Variants in NGEF observed in about 807,000 individuals in gnomAD.
NGEF encodes the protein neuronal guanine nucleotide exchange factor.
Under a neutral mutation model 80.9 loss-of-function variants are expected in NGEF, and 31 were observed. The ratio of observed to expected loss-of-function variants is 0.38; its 90% CI spans 0.29 to 0.52. The LOEUF is 0.52. Among genes scored for constraint, NGEF ranks in the 20% least tolerant of loss-of-function variants. The probability of loss-of-function intolerance (pLI) is 0.84; values close to 1 mark genes in which losing one functional copy is unlikely to be tolerated. For missense variants in NGEF, 709 were observed against 926.2 expected (o/e 0.77, Z 3.04); for synonymous variants, 371 against 370.2 (o/e 1.00, Z -0.03).
intron 3 of NGEF, among the ~76,000 whole-genome samples, chr2:232,954,802 G>A (rs895989066): frequency 1.3e-5 from 2 of 151,810 alleles, no homozygotes; most frequent in African/African-American, 4.8e-5. Context: ...GGCAGGTTGA[G>A]GAAGGCTTTG....
chr2:232,886,968 C>T (rs1691713648), intron 9 of NGEF, among the ~76,000 whole-genome samples: 1 of 152,252 alleles, frequency 6.6e-6, no homozygotes, highest in African/African-American at 2.4e-5. Flanking sequence ...GTGTAACTGC[C>T]AGAGGAATTT....
chr2:232,939,329 T>C (rs1228320397), intron 3 of NGEF, among the ~76,000 whole-genome samples: 1 of 152,116 alleles, frequency 6.6e-6, no homozygotes, highest in Non-Finnish European at 1.5e-5. Flanking sequence ...TTGTAAGCTA[T>C]AATAAATGAA....
intron 5 of NGEF, among the ~76,000 whole-genome samples, chr2:232,914,437 G>A (rs573553342): frequency 8.5e-5 from 13 of 152,296 alleles, no homozygotes; most frequent in African/African-American, 2.9e-4. Context: ...CAGGCATGGT[G>A]CCTCACACCT....
chr2:232,902,960 C>T (rs975713315), intron 5 of NGEF, among the ~76,000 whole-genome samples: 2 of 152,116 alleles, frequency 1.3e-5, no homozygotes, highest in Non-Finnish European at 2.9e-5. Context: ...CGCCACTGCA[C>T]TCCAGCATAA....
chr2:232,965,497 G>A (rs150812863), intron 3 of NGEF, among the ~76,000 whole-genome samples: 2 of 152,292 alleles, frequency 1.3e-5, no homozygotes, highest in African/African-American at 2.4e-5. Context: ...GAATGCTATG[G>A]AGCAAGAGAA....
Position 233,013,170 on chromosome 2 carries a change from C to T in NGEF, c.-177G>A, listed in dbSNP as rs1695250880. On this transcript the variant is annotated 5_prime_UTR_variant, in exon 1 of 15. Transcript: ENST00000264051. The stretch of plus-strand genomic sequence containing the variant: ...TGCGAGCAGGATGGTGTGTCCCCGG[C>T]TAAATCCACAGGCGCTCCACTCTGT... 2.1e-6 allele frequency: 1 copy of T among 471,168 alleles called. No homozygotes were observed. The highest frequency in any genetic ancestry group is 2.0e-5 in the African/African-American group (1 of 50,086). The allele number at this position is 471,168 out of a possible 1,614,324, so 29.2% of individuals were successfully genotyped here.
At chr2:232,905,409 T>C (rs947547906) in intron 5 of NGEF, among the ~76,000 whole-genome samples, 2 of 152,216 alleles carry the variant, frequency 1.3e-5, no homozygotes, top group Admixed American at 6.5e-5. Flanking sequence ...CAGTGCTCAA[T>C]GGTGCCCAGG....
rs117625182 is a variant in NGEF at position 233,012,420 on chromosome 2, G to A, written c.-75+648C>T. 1.6e-3 allele frequency among the ~76,000 whole-genome samples: 249 copies of A among 152,338 alleles called. 7 individuals carry two copies. The East Asian group carries it at 0.045, about 27-fold the overall frequency. ...CAGATGCAAAAATCAGGAAGGTTCTGAGGGGTAGGGCCTTCTGTCTTTCTG... is the reference window on the plus strand; with the variant it reads ...CAGATGCAAAAATCAGGAAGGTTCTAAGGGGTAGGGCCTTCTGTCTTTCTG... On this transcript the variant is annotated intron_variant, in intron 1 of 14. Transcript: ENST00000264051.
chr2:232,950,619 GA>G, intron 3 of NGEF, among the ~76,000 whole-genome samples: 1 of 152,328 alleles, frequency 6.6e-6, no homozygotes, highest in East Asian at 1.9e-4. Flanking sequence ...TGATTTTCCA[GA>G]AAAGGCTACC....
chr2:232,995,189 T>G lies in NGEF; in HGVS notation c.-75+17879A>C, dbSNP rs1297137689. On this transcript the variant is annotated intron_variant, in intron 1 of 14. Transcript: ENST00000264051. ...CTGTATATGTGTACAGTATGTATGC[T>G]GTGTACAGTATGTATACTGTATATG... Among the ~76,000 whole-genome samples the G allele has an allele frequency of 7.3e-5, 4 of 55,024 alleles. 2 individuals are homozygous for G. Among genetic ancestry groups the G allele is most frequent in the African/African-American group, 3.5e-4 (4 of 11,410 alleles). 36.1% of individuals were successfully genotyped at this position (55,024 alleles called of 152,430 possible). A position where few individuals can be genotyped will look rare whatever the true frequency, so the allele number is the denominator to read the frequency against.
chr2:232,997,717 T>G (rs1694883335), intron 1 of NGEF, among the ~76,000 whole-genome samples: 1 of 152,180 alleles, frequency 6.6e-6, no homozygotes, highest in South Asian at 2.1e-4. Context: ...GCCACCCTGC[T>G]GCTGTTCGTG....
intron 5 of NGEF, among the ~76,000 whole-genome samples, chr2:232,906,167 TGG>T (rs1438842018): frequency 0.21 from 11,749 of 54,842 alleles, 2,406 homozygotes; most frequent in East Asian, 0.25. Flanking sequence ...GGGAGGGAGG[TGG>T]GGGGGTCAGC....
Position 232,881,203 on chromosome 2 carries a change from C to G in NGEF, c.1885G>C (p.Asp629His). The G allele has an allele frequency of 6.2e-7, 1 of 1,611,436 alleles. No individual in the cohort carries two copies. The highest frequency in any genetic ancestry group is 8.5e-7 in the Non-Finnish European group (1 of 1,179,998). The change falls in exon 14 of 15, where the codon GAC becomes CAC. Residue 629 changes from aspartate (D) to histidine (H), a missense_variant. By Grantham distance (81) the Asp-to-His change is moderately conservative (BLOSUM62 -1). Transcript: ENST00000264051. Reference sequence around the variant, plus strand: ...TCGGCGAGCTCCAGCGTCAGCTCGTCTGGCTGCTGAGCCACGTATGGGTGC... The same window carrying G: ...TCGGCGAGCTCCAGCGTCAGCTCGTGTGGCTGCTGAGCCACGTATGGGTGC... ...CVHPYVAQQP[D>H]ELTLELADIL...
intron 10 of NGEF, 183 bp downstream of exon 10, chr2:232,885,097 G>A (rs564209173): frequency 1.5e-5 from 9 of 600,978 alleles, no homozygotes; most frequent in African/African-American, 3.7e-5. Context: ...CCGTGGTGGT[G>A]TCTGACGCCT....
chr2:233,009,420 G>A (rs2106348494), intron 1 of NGEF, among the ~76,000 whole-genome samples: 1 of 152,204 alleles, frequency 6.6e-6, no homozygotes, highest in South Asian at 2.1e-4. Context: ...ATCTGAATTT[G>A]CGATCCTCCC....
chr2:232,927,855 G>A (rs2921705), intron 3 of NGEF: 318,865 of 1,231,110 alleles, frequency 0.26, 42,916 homozygotes, highest in Non-Finnish European at 0.27. Flanking sequence ...GGCACGCGGG[G>A]GCGGCGCGCC....
intron 1 of NGEF, among the ~76,000 whole-genome samples, chr2:233,010,379 C>T (rs1038673949): frequency 6.6e-6 from 1 of 152,164 alleles, no homozygotes; most frequent in Non-Finnish European, 1.5e-5. Flanking sequence ...GAATTACTAC[C>T]TTATTTTCAA....
chr2:232,929,725 C>A (rs1450843486), intron 3 of NGEF, among the ~76,000 whole-genome samples: 2 of 152,210 alleles, frequency 1.3e-5, no homozygotes, highest in Admixed American at 6.5e-5. Context: ...ATCTGGCCAT[C>A]CCACATCTTA....
At chr2:232,917,843 G>A (rs991310250) in intron 5 of NGEF, among the ~76,000 whole-genome samples, 2 of 151,936 alleles carry the variant, frequency 1.3e-5, no homozygotes, top group South Asian at 4.2e-4. Flanking sequence ...GCACCATCTC[G>A]GCGCACTGCA....
Sources: gnomAD v4.1 joint callset for allele counts (sites outside exome capture counted in the v4.1 genomes callset) on GRCh38, gnomAD v4.1.1 for gene constraint, MANE v1.5 for transcripts, NCBI Gene and HGNC (gene_info 2026-07-23, HGNC 2026-07-21) for gene names.